Variants in BMPR1B observed in about 807,000 individuals in gnomAD.
The protein encoded by BMPR1B is bone morphogenetic protein receptor type 1B.
In BMPR1B, 12 loss-of-function variants were observed where a neutral mutation model predicts 59.1. That is an observed-to-expected ratio of 0.20 (90% CI 0.13 to 0.33). The LOEUF is 0.33. Ranked by LOEUF, BMPR1B falls within the 10% of genes least tolerant of loss-of-function variation. The pLI, the probability that BMPR1B is intolerant of heterozygous loss-of-function variation, is 1.00. For missense variants in BMPR1B, 550 were observed against 610.9 expected, an observed-to-expected ratio of 0.90 and a Z score of 1.05; for synonymous variants, 237 against 207.3, an observed-to-expected ratio of 1.14 and a Z score of -1.23.
intron 10 of BMPR1B, among the ~76,000 whole-genome samples, chr4:95,147,989 G>T (rs955032158): frequency 3.3e-5 from 5 of 152,096 alleles, no homozygotes; most frequent in Non-Finnish European, 7.4e-5. Flanking sequence ...TGGGCCTGTT[G>T]TAAAATTTTC....
At chr4:95,130,691 T>G (rs966171415) in intron 9 of BMPR1B, among the ~76,000 whole-genome samples, 5 of 151,048 alleles carry the variant, frequency 3.3e-5, no homozygotes, top group Non-Finnish European at 5.9e-5. Context: ...CTTTCTCTAC[T>G]CCTACAGGTT....
intron 6 of BMPR1B, among the ~76,000 whole-genome samples, chr4:95,116,761 A>G (rs2114533): frequency 0.48 from 72,742 of 151,454 alleles, 19,132 homozygotes; most frequent in Admixed American, 0.61. Context: ...AAACAGGTGC[A>G]CACCACCACA....
chr4:94,970,452 A>G (rs1282708019), intron 2 of BMPR1B, among the ~76,000 whole-genome samples: 1 of 151,902 alleles, frequency 6.6e-6, no homozygotes, highest in Non-Finnish European at 1.5e-5. Context: ...AATAGCTGGG[A>G]CTACAGGCGC....
intron 3 of BMPR1B, among the ~76,000 whole-genome samples, chr4:95,047,248 C>T (rs1726123190): frequency 6.6e-6 from 1 of 152,188 alleles, no homozygotes; most frequent in African/African-American, 2.4e-5. Flanking sequence ...TTTGTTTCCT[C>T]TCTCCCTTTC....
At chr4:94,855,179 T>TG (rs920764601) in intron 1 of BMPR1B, among the ~76,000 whole-genome samples, 1 of 152,170 alleles carries the variant, frequency 6.6e-6, no homozygotes, top group African/African-American at 2.4e-5. Flanking sequence ...TTTTATAATA[T>TG]GTGGGGGGAT....
At chr4:94,822,572 T>C (rs547746276) in intron 1 of BMPR1B, among the ~76,000 whole-genome samples, 17 of 152,048 alleles carry the variant, frequency 1.1e-4, no homozygotes, top group Non-Finnish European at 2.4e-4. Context: ...CCAACTCCCT[T>C]CTCCCTTCTC....
At chr4:94,947,307 C>G (rs1003411562) in intron 2 of BMPR1B, among the ~76,000 whole-genome samples, 2 of 152,166 alleles carry the variant, frequency 1.3e-5, no homozygotes, top group Admixed American at 1.3e-4. Flanking sequence ...TTAGGTGTAA[C>G]TATTAGATTG....
intron 3 of BMPR1B, among the ~76,000 whole-genome samples, chr4:95,029,206 C>T (rs1248977491): frequency 2.0e-5 from 3 of 151,602 alleles, no homozygotes; most frequent in African/African-American, 7.3e-5. Flanking sequence ...ATTAACTCGT[C>T]ATTTAGCATT....
chr4:95,055,782 G>A (rs990162145), intron 3 of BMPR1B, among the ~76,000 whole-genome samples: 4 of 152,122 alleles, frequency 2.6e-5, no homozygotes, highest in African/African-American at 9.7e-5. Flanking sequence ...CCGTATGCAA[G>A]TCTTATCTGT....
chr4:94,780,480 A>T (rs1029813472), intron 1 of BMPR1B, among the ~76,000 whole-genome samples: 5 of 152,254 alleles, frequency 3.3e-5, no homozygotes, highest in East Asian at 1.9e-4. Flanking sequence ...TGCTATAAAC[A>T]TGTATGCCCA....
intron 2 of BMPR1B, among the ~76,000 whole-genome samples, chr4:94,932,940 CTGCTATAGTAGCTACA>C: frequency 6.6e-6 from 1 of 152,048 alleles, no homozygotes; most frequent in East Asian, 1.9e-4. Context: ...TTGACTCAAA[CTGCTATAGTAGCTACA>C]ATAGCTTCAT....
intron 3 of BMPR1B, among the ~76,000 whole-genome samples, chr4:95,021,321 T>C (rs12647875): frequency 0.43 from 65,139 of 152,130 alleles, 14,451 homozygotes; most frequent in East Asian, 0.71. Context: ...TGCATACTTT[T>C]GTGTTTATGA....
intron 2 of BMPR1B, among the ~76,000 whole-genome samples, chr4:94,946,151 A>T (rs1223432593): frequency 2.0e-5 from 3 of 152,218 alleles, no homozygotes; most frequent in Non-Finnish European, 4.4e-5. Flanking sequence ...GAGTACTGCC[A>T]TGGAATGTTA....
intron 3 of BMPR1B, among the ~76,000 whole-genome samples, chr4:95,024,169 A>G (rs945687512): frequency 6.6e-5 from 10 of 152,292 alleles, no homozygotes; most frequent in African/African-American, 2.2e-4. Flanking sequence ...GGGTGATTCT[A>G]TTAGCTAATA....
chr4:94,910,256 T>C (rs17022528), intron 2 of BMPR1B, among the ~76,000 whole-genome samples: 7,474 of 152,174 alleles, frequency 0.049, 452 homozygotes, highest in African/African-American at 0.14. Context: ...TCATCTTTCT[T>C]CTGAAAACCT....
intron 2 of BMPR1B, among the ~76,000 whole-genome samples, chr4:94,889,667 C>T (rs1395250901): frequency 1.3e-5 from 2 of 152,026 alleles, no homozygotes; most frequent in Non-Finnish European, 2.9e-5. Context: ...TAATATACCA[C>T]AGCCTTCATG....
chr4:95,142,272 C>T (rs922408064), intron 10 of BMPR1B, among the ~76,000 whole-genome samples: 3 of 152,164 alleles, frequency 2.0e-5, no homozygotes, highest in African/African-American at 7.2e-5. Flanking sequence ...CAGGGATGTG[C>T]ACAGCCCCTT....
intron 1 of BMPR1B, among the ~76,000 whole-genome samples, chr4:94,762,476 T>C (rs1195480624): frequency 2.0e-5 from 3 of 152,178 alleles, no homozygotes; most frequent in African/African-American, 7.2e-5. Flanking sequence ...AAGAACTTCC[T>C]ATCAGAGGAC....
intron 3 of BMPR1B, among the ~76,000 whole-genome samples, chr4:95,102,366 G>C (rs1275896944): frequency 6.6e-6 from 1 of 152,190 alleles, no homozygotes; most frequent in Non-Finnish European, 1.5e-5. Context: ...ATTCATCCTA[G>C]TTAAACAGGC....
Sources: allele counts gnomAD v4.1 joint callset (sites outside exome capture counted in the v4.1 genomes callset), GRCh38; gene constraint gnomAD v4.1.1; transcripts MANE v1.5; gene names NCBI Gene and HGNC (gene_info 2026-07-23, HGNC 2026-07-21).